Variants in TAF3 observed in about 807,000 individuals in gnomAD.
TAF3 encodes transcription initiation factor TFIID subunit 3.
In TAF3, 7 loss-of-function variants were observed where a neutral mutation model predicts 80.6. The ratio of observed to expected loss-of-function variants is 0.09; its 90% CI spans 0.05 to 0.16. The LOEUF (loss-of-function observed/expected upper bound fraction) is 0.16, where lower values mean the gene tolerates loss of function less well. Ranked by LOEUF, TAF3 falls within the 10% of genes least tolerant of loss-of-function variation. The pLI is 1.00. For missense variants in TAF3, 921 were observed against 1,140.2 expected (o/e 0.81, Z 2.77); for synonymous variants, 444 against 446.1 (o/e 1.00, Z 0.06).
At chr10:7,864,121 T>C (rs1837185426) in intron 2 of TAF3, among the ~76,000 whole-genome samples, 1 of 152,178 alleles carries the variant, frequency 6.6e-6, no homozygotes, top group African/African-American at 2.4e-5. Flanking sequence ...TTAGGTTCAC[T>C]CTTGGTGTTG....
In TAF3 at chr10:7,886,962, A is replaced by C. The variant is rs369080982; in HGVS notation, c.409+62402A>C. On this transcript the variant is annotated intron_variant, in intron 2 of 6. Transcript: ENST00000344293. ...TAAGAGCTAGTTAAGAGGGCCAGGC[A>C]CGGTGGCTTACACCTGTAATCCCAG... 1.6e-4 allele frequency among the ~76,000 whole-genome samples: 25 copies of C among 152,276 alleles called. No individual in the cohort carries two copies. In the East Asian group the frequency reaches 1.7e-3, roughly 11 times the overall value.
At chr10:7,899,565 G>T (rs889603285) in intron 2 of TAF3, among the ~76,000 whole-genome samples, 1 of 152,094 alleles carries the variant, frequency 6.6e-6, no homozygotes, top group African/African-American at 2.4e-5. Context: ...TATATTCCAT[G>T]TGCAGCTTTG....
intron 5 of TAF3, 82 bp from the exon 6 acceptor site, chr10:8,013,648 TA>T: frequency 1.8e-6 from 2 of 1,094,154 alleles, no homozygotes; most frequent in Non-Finnish European, 1.4e-6. Flanking sequence ...GTTAACAGTA[TA>T]AAGTAATCAT....
intron 2 of TAF3, among the ~76,000 whole-genome samples, chr10:7,849,217 A>T (rs1042814912): frequency 6.6e-6 from 1 of 152,168 alleles, no homozygotes; most frequent in African/African-American, 2.4e-5. Flanking sequence ...AAGTGTAGGG[A>T]TAACTTTTAA....
In TAF3 at chr10:8,013,847, C is replaced by T. The variant is rs1832078145; in HGVS notation, c.2675+10C>T. The T allele has an allele frequency of 6.2e-7, 1 of 1,611,630 alleles. No individual in the cohort carries two copies. The highest frequency in any genetic ancestry group is 1.1e-5 in the South Asian group (1 of 91,020). ...ATGACTGGTACCACTGGTGAGTGCC[C>T]AGGGCGCCCTGCCGGCCACACTCAT... On this transcript the variant is annotated intron_variant, in intron 6 of 6. Coordinates refer to ENST00000344293, the MANE Select transcript of TAF3 (RefSeq NM_031923.4).
Position 8,016,131 on chromosome 10 carries a change from A to G in TAF3, c.*1380A>G, listed in dbSNP as rs930489392. ...AAACATCAAATTTAACTTTATTAGC[A>G]TATTTTAGCAACTTTGGGATAAATA... On this transcript the variant is annotated 3_prime_UTR_variant, in exon 7 of 7. Coordinates refer to ENST00000344293, the MANE Select transcript of TAF3 (RefSeq NM_031923.4). 2.6e-5 allele frequency: 4 copies of G among 152,206 alleles called. No homozygotes were observed. Among genetic ancestry groups the G allele is most frequent in the Non-Finnish European group, 5.9e-5 (4 of 68,034 alleles). The allele number at this position is 152,206 out of a possible 1,614,324, so 9.4% of individuals were successfully genotyped here.
intron 4 of TAF3, among the ~76,000 whole-genome samples, chr10:7,998,142 C>T (rs1192138312): frequency 1.3e-5 from 2 of 150,806 alleles, no homozygotes; most frequent in Non-Finnish European, 2.9e-5. Flanking sequence ...CCAGTCTAAC[C>T]CCTTGAAAAC....
chr10:7,987,895 G>T (rs1470941044), intron 4 of TAF3, among the ~76,000 whole-genome samples: 1 of 152,090 alleles, frequency 6.6e-6, no homozygotes, highest in African/African-American at 2.4e-5. Flanking sequence ...AAATCTGTAG[G>T]TCCTTGGTGC....
In TAF3 at chr10:7,930,250, T is replaced by A. The variant is rs147530484; in HGVS notation, c.410-33670T>A. On this transcript the variant is annotated intron_variant, in intron 2 of 6. Transcript: ENST00000344293. ...AGAGAAATCCTAAAAGGCCAGCAGT[T>A]ACATAAGCAAGATACATATGTAGGT... is the stretch of plus-strand genomic sequence containing the variant. Among the ~76,000 whole-genome samples the A allele has an allele frequency of 6.0e-4, 91 of 152,212 alleles. 3 individuals are homozygous for A. The East Asian group carries it at 0.012, about 21-fold the overall frequency.
chr10:7,918,968 A>G (rs1460367284), intron 2 of TAF3, among the ~76,000 whole-genome samples: 1 of 152,130 alleles, frequency 6.6e-6, no homozygotes, highest in Non-Finnish European at 1.5e-5. Context: ...AGAAGAAGAA[A>G]TTGCTACCAG....
intron 4 of TAF3, among the ~76,000 whole-genome samples, chr10:7,982,200 A>G (rs1483672132): frequency 6.6e-6 from 1 of 152,046 alleles, no homozygotes; most frequent in African/African-American, 2.4e-5. Context: ...TTATTCATAT[A>G]TAACTTTTTT....
chr10:7,965,302 G>A lies in TAF3; in HGVS notation c.1792G>A (p.Val598Ile). The A allele has an allele frequency of 1.9e-6, 3 of 1,606,020 alleles. No individual in the cohort carries two copies. The highest frequency in any genetic ancestry group is 2.3e-5 in the South Asian group (2 of 88,360). The change falls in exon 3 of 7, where the codon GTT becomes ATT. Residue 598 changes from valine (V) to isoleucine (I), a missense_variant. Around this residue, in one of 6 missense-constraint regions of TAF3, gnomAD observed 743 missense variants for 821.0 expected, o/e 0.90. Transcript: ENST00000344293. ...YKFKIKEFED[V>I]DPKVKLKDGL... is the part of the protein sequence containing the mutation. ...GTTTAAAATCAAAGAATTTGAAGAT[G>A]TTGATCCCAAAGTGAAATTGAAAGA...
At chr10:7,927,136 A>G (rs558151037) in intron 2 of TAF3, among the ~76,000 whole-genome samples, 3 of 152,298 alleles carry the variant, frequency 2.0e-5, no homozygotes, top group Admixed American at 1.3e-4. Flanking sequence ...CATTCAGAGA[A>G]CACTTTCTGA....
Position 7,963,901 on chromosome 10 carries a change from C to T in TAF3, c.410-19C>T, listed in dbSNP as rs1397903726. 8.1e-5 allele frequency: 121 copies of T among 1,494,792 alleles called. No individual in the cohort carries two copies. The highest frequency in any genetic ancestry group is 3.6e-4 in the Middle Eastern group (2 of 5,566). The allele number at this position is 1,494,792 out of a possible 1,614,324, so 92.6% of individuals were successfully genotyped here. On this transcript the variant is annotated intron_variant, in intron 2 of 6. Transcript: ENST00000344293. Reference sequence around the variant, plus strand: ...TCCAATAATATTTATTTTTTTCTTCCTTTTTCTTCCTTTACCAGAAGAAGA... The same window carrying T: ...TCCAATAATATTTATTTTTTTCTTCTTTTTTCTTCCTTTACCAGAAGAAGA...
At chr10:7,976,367 C>A (rs1312054513) in intron 3 of TAF3, among the ~76,000 whole-genome samples, 1 of 151,718 alleles carries the variant, frequency 6.6e-6, no homozygotes, top group East Asian at 1.9e-4. Flanking sequence ...CTGCCTCAGC[C>A]TCTTGAGTAG....
At chr10:7,933,797 T>A (rs1028787424) in intron 2 of TAF3, among the ~76,000 whole-genome samples, 12 of 152,194 alleles carry the variant, frequency 7.9e-5, no homozygotes, top group African/African-American at 2.9e-4. Context: ...ACTATGAAAT[T>A]ATGGAAATCA....
At chr10:7,924,155 G>A (rs1298274547) in intron 2 of TAF3, among the ~76,000 whole-genome samples, 2 of 152,198 alleles carry the variant, frequency 1.3e-5, no homozygotes, top group Non-Finnish European at 2.9e-5. Flanking sequence ...GACAGTGTTT[G>A]TGACTGACTA....
At chr10:7,850,317 C>T (rs1837014923) in intron 2 of TAF3, among the ~76,000 whole-genome samples, 2 of 152,258 alleles carry the variant, frequency 1.3e-5, no homozygotes, top group Admixed American at 1.3e-4. Flanking sequence ...TTCATGATGT[C>T]AGTTTGGAGA....
At chr10:7,911,254 T>C (rs1175154058) in intron 2 of TAF3, among the ~76,000 whole-genome samples, 1 of 152,240 alleles carries the variant, frequency 6.6e-6, no homozygotes, top group East Asian at 1.9e-4. Context: ...TTCAAACCCA[T>C]GAGGCATTGT....
Sources: gnomAD v4.1 joint callset for allele counts (sites outside exome capture counted in the v4.1 genomes callset) on GRCh38, gnomAD v4.1.1 for gene constraint, gnomAD v4.1.1 regional missense constraint, MANE v1.5 for transcripts, NCBI Gene and HGNC (gene_info 2026-07-23, HGNC 2026-07-21) for gene names.